Variants in PHACTR1 observed in about 807,000 individuals in gnomAD.
The protein encoded by PHACTR1 is RPEL repeat containing 1.
In PHACTR1, 16 loss-of-function variants were observed where a neutral mutation model predicts 69.2. The observed-to-expected ratio is 0.23, with a 90% CI of 0.16 to 0.35. The LOEUF (loss-of-function observed/expected upper bound fraction) is 0.35, where lower values mean the gene tolerates loss of function less well. PHACTR1 is among the 10% of genes least tolerant of loss of function. The probability of loss-of-function intolerance (pLI) is 1.00; values close to 1 mark genes in which losing one functional copy is unlikely to be tolerated. For missense variants in PHACTR1, 510 were observed against 734.7 expected, an observed-to-expected ratio of 0.69 and a Z score of 3.54; for synonymous variants, 312 against 284.5, an observed-to-expected ratio of 1.10 and a Z score of -0.97.
intron 10 of PHACTR1, chr6:13,272,617 G>A (rs1321847171): frequency 8.0e-7 from 1 of 1,249,650 alleles, no homozygotes; most frequent in East Asian, 2.7e-5. Flanking sequence ...GATGGGGCTG[G>A]GGAGGGGCCG....
intron 3 of PHACTR1, among the ~76,000 whole-genome samples, chr6:12,736,354 T>C (rs887934732): frequency 4.6e-5 from 7 of 152,226 alleles, no homozygotes; most frequent in African/African-American, 9.6e-5. Context: ...AGAGTTCTTA[T>C]ATTTCTAACT....
chr6:13,104,006 C>T (rs1815634285), intron 5 of PHACTR1, among the ~76,000 whole-genome samples: 1 of 152,136 alleles, frequency 6.6e-6, no homozygotes, highest in Admixed American at 6.6e-5. Flanking sequence ...ATCGCCTGAA[C>T]CCGGGAGGTG....
At chr6:12,865,119 C>G (rs80048929) in intron 4 of PHACTR1, among the ~76,000 whole-genome samples, 2 of 152,112 alleles carry the variant, frequency 1.3e-5, no homozygotes, top group African/African-American at 4.8e-5. Context: ...TGGGAAGTTC[C>G]TCATCCCAGG....
intron 7 of PHACTR1, among the ~76,000 whole-genome samples, chr6:13,190,609 A>AC (rs956250353): frequency 1.3e-5 from 2 of 151,982 alleles, no homozygotes; most frequent in African/African-American, 4.8e-5. Flanking sequence ...CAAAGAACAG[A>AC]CCCAAAGGAG....
intron 10 of PHACTR1, among the ~76,000 whole-genome samples, chr6:13,263,380 T>G (rs1776193900): frequency 1.3e-5 from 2 of 151,458 alleles, no homozygotes; most frequent in Non-Finnish European, 2.9e-5. Context: ...CTTAAATTTT[T>G]AAAGAAAATA....
intron 6 of PHACTR1, among the ~76,000 whole-genome samples, chr6:13,163,109 G>A (rs541173724): frequency 2.3e-4 from 35 of 152,142 alleles, no homozygotes; most frequent in Non-Finnish European, 4.4e-4. Context: ...GTCGGGTGTG[G>A]TGGCATGCGC....
Position 12,809,418 on chromosome 6 carries a change from A to G in PHACTR1, c.250+59628A>G, listed in dbSNP as rs569490761. ...TCAATCCTAGTACTCTGCCCTAAGA[A>G]GGCCCAGTGAAACCTCAGTTATTCA... On this transcript the variant is annotated intron_variant, in intron 4 of 14. Coordinates refer to ENST00000332995, the MANE Select transcript of PHACTR1 (RefSeq NM_030948.6). 9.5e-3 allele frequency among the ~76,000 whole-genome samples: 1,448 copies of G among 152,288 alleles called. 28 individuals carry two copies. The highest frequency in any genetic ancestry group is 0.033 in the African/African-American group (1,373 of 41,548).
At chr6:13,104,481 G>A (rs1243892905) in intron 5 of PHACTR1, among the ~76,000 whole-genome samples, 1 of 152,062 alleles carries the variant, frequency 6.6e-6, no homozygotes, top group Admixed American at 6.5e-5. Flanking sequence ...TGACAACTTA[G>A]CCTAATTCAT....
chr6:12,742,768 G>A (rs1018078804), intron 3 of PHACTR1, among the ~76,000 whole-genome samples: 14 of 152,150 alleles, frequency 9.2e-5, no homozygotes, highest in East Asian at 5.8e-4. Flanking sequence ...AATTATTAGG[G>A]TCTCTGGTAC....
intron 4 of PHACTR1, among the ~76,000 whole-genome samples, chr6:12,803,891 C>G (rs1773993533): frequency 6.6e-6 from 1 of 152,158 alleles, no homozygotes; most frequent in Non-Finnish European, 1.5e-5. Context: ...CAACCCCACC[C>G]CATTTGAGAA....
intron 5 of PHACTR1, among the ~76,000 whole-genome samples, chr6:13,113,786 C>A (rs563226047): frequency 1.3e-5 from 2 of 152,232 alleles, no homozygotes; most frequent in African/African-American, 4.8e-5. Context: ...AACTATTTTA[C>A]AATTATGAGG....
At chr6:13,038,520 C>T (rs950289574) in intron 4 of PHACTR1, among the ~76,000 whole-genome samples, 4 of 150,064 alleles carry the variant, frequency 2.7e-5, no homozygotes, top group African/African-American at 9.8e-5. Flanking sequence ...AAGGACTTGG[C>T]TCCTTTACAA....
At chr6:13,241,416 G>A (rs1562053968) in intron 10 of PHACTR1, among the ~76,000 whole-genome samples, 1 of 152,264 alleles carries the variant, frequency 6.6e-6, no homozygotes, top group East Asian at 1.9e-4. Context: ...TTCTTGGGCC[G>A]GGTGGGAGGT....
At chr6:12,803,398 T>C (rs1422175808) in intron 4 of PHACTR1, among the ~76,000 whole-genome samples, 2 of 152,000 alleles carry the variant, frequency 1.3e-5, no homozygotes, top group Non-Finnish European at 2.9e-5. Flanking sequence ...GGAGGAGACA[T>C]ATTAGGGAAG....
intron 4 of PHACTR1, among the ~76,000 whole-genome samples, chr6:12,786,994 A>G (rs1771622189): frequency 6.6e-6 from 1 of 152,232 alleles, no homozygotes; most frequent in Non-Finnish European, 1.5e-5. Context: ...ACACTGTTAA[A>G]GCAGGAGCAA....
intron 8 of PHACTR1, among the ~76,000 whole-genome samples, chr6:13,217,995 T>G (rs1767941464): frequency 6.6e-6 from 1 of 152,266 alleles, no homozygotes; most frequent in Non-Finnish European, 1.5e-5. Context: ...AAGCTGTTCC[T>G]GTTGAAGTTT....
chr6:12,865,872 T>C (rs905918061), intron 4 of PHACTR1, among the ~76,000 whole-genome samples: 1 of 152,160 alleles, frequency 6.6e-6, no homozygotes, highest in African/African-American at 2.4e-5. Flanking sequence ...CCCTAGGGAA[T>C]GCAGATGGCT....
At chr6:13,095,482 T>A (rs1457606878) in intron 5 of PHACTR1, among the ~76,000 whole-genome samples, 1 of 152,136 alleles carries the variant, frequency 6.6e-6, no homozygotes, top group African/African-American at 2.4e-5. Flanking sequence ...AGCAGAGTAT[T>A]CTGTTGATTC....
chr6:12,770,898 C>A (rs1344586423), intron 4 of PHACTR1, among the ~76,000 whole-genome samples: 2 of 152,156 alleles, frequency 1.3e-5, no homozygotes, highest in African/African-American at 4.8e-5. Flanking sequence ...CAGGAAAGAG[C>A]AGTTTCTCCC....
Sources: allele counts gnomAD v4.1 joint callset (sites outside exome capture counted in the v4.1 genomes callset), GRCh38; gene constraint gnomAD v4.1.1; transcripts MANE v1.5; gene names NCBI Gene and HGNC (gene_info 2026-07-23, HGNC 2026-07-21).